Variants in SYNE1 observed in about 807,000 individuals in gnomAD.
The protein encoded by SYNE1 is nesprin-1.
SYNE1 carries 616 observed loss-of-function variants against 1,111.0 expected under a neutral mutation model. That is an observed-to-expected ratio of 0.55 (90% CI 0.52 to 0.59). The LOEUF (loss-of-function observed/expected upper bound fraction) is 0.59. Ranked by LOEUF, SYNE1 falls within the 20% of genes least tolerant of loss-of-function variation. The pLI is 0.00. For synonymous variants in SYNE1, 3,855 were observed against 3,825.8 expected, an observed-to-expected ratio of 1.01 and a Z score of -0.28; for missense variants, 10,006 against 10,417.0, an observed-to-expected ratio of 0.96 and a Z score of 1.72.
At chr6:152,568,756 T>C (rs538100092) in intron 3 of SYNE1, among the ~76,000 whole-genome samples, 1 of 151,976 alleles carries the variant, frequency 6.6e-6, no homozygotes, top group South Asian at 2.1e-4. Context: ...TACAGGCTCT[T>C]GCCACTGCAC....
In SYNE1 at chr6:152,456,031, C is replaced by A. The variant is rs760041639; in HGVS notation, c.2582G>T (p.Cys861Phe). 6.2e-7 allele frequency: 1 copy of A among 1,613,394 alleles called. No individual in the cohort carries two copies. The highest frequency in any genetic ancestry group is 1.1e-5 in the South Asian group (1 of 91,076). ...FKQKHQELLA[C>F]QENCKKTLTL... Reference sequence around the variant, plus strand: ...CAAGGTTTTCTTACAGTTTTCTTGACAAGCTAACAGTTCCTATAACGAAAT... The same window carrying A: ...CAAGGTTTTCTTACAGTTTTCTTGAAAAGCTAACAGTTCCTATAACGAAAT... Residue 861 changes from cysteine to phenylalanine, a missense_variant, in exon 23 of 146, where the codon TGT becomes TTT. Transcript: ENST00000367255.
At chr6:152,565,149 A>G (rs1025227618) in intron 3 of SYNE1, among the ~76,000 whole-genome samples, 13 of 152,204 alleles carry the variant, frequency 8.5e-5, no homozygotes, top group African/African-American at 3.1e-4. Flanking sequence ...AGAAGCCAGG[A>G]GAAACCTGAT....
intron 3 of SYNE1, among the ~76,000 whole-genome samples, chr6:152,620,756 A>C (rs2099673691): frequency 6.6e-6 from 1 of 152,176 alleles, no homozygotes; most frequent in Non-Finnish European, 1.5e-5. Flanking sequence ...TCCCCCATTG[A>C]AAATAAATAT....
intron 145 of SYNE1, 45 bp from the exon 146 acceptor site, chr6:152,122,721 G>C (rs376243097): frequency 1.4e-4 from 229 of 1,611,420 alleles, no homozygotes; most frequent in Non-Finnish European, 1.8e-4. Flanking sequence ...CTCCAGTGTC[G>C]GAGGGACGCT....
chr6:152,560,527 C>G (rs909990020), intron 3 of SYNE1, among the ~76,000 whole-genome samples: 41 of 152,080 alleles, frequency 2.7e-4, no homozygotes, highest in African/African-American at 9.7e-4. Context: ...AAACTAATAC[C>G]AATCTTTCCC....
At chr6:152,522,596 T>C (rs2099145180) in intron 5 of SYNE1, among the ~76,000 whole-genome samples, 1 of 152,196 alleles carries the variant, frequency 6.6e-6, no homozygotes, top group Admixed American at 6.5e-5. Context: ...CTGTATCAAA[T>C]GGTAGATCTA....
At chr6:152,274,614 G>A (rs1490566130) in intron 98 of SYNE1, among the ~76,000 whole-genome samples, 4 of 151,990 alleles carry the variant, frequency 2.6e-5, no homozygotes, top group Admixed American at 2.6e-4. Flanking sequence ...ATTCATTTTT[G>A]AGATGGAGTT....
chr6:152,388,496 G>A (rs1434071467), intron 53 of SYNE1, among the ~76,000 whole-genome samples: 2 of 152,160 alleles, frequency 1.3e-5, no homozygotes, highest in Non-Finnish European at 2.9e-5. Flanking sequence ...GCATAGTTTT[G>A]CCCCGTTGCC....
chr6:152,624,649 T>A (rs564060611), intron 3 of SYNE1, among the ~76,000 whole-genome samples: 3 of 152,298 alleles, frequency 2.0e-5, no homozygotes, highest in South Asian at 4.1e-4. Flanking sequence ...TGAGTAAAGT[T>A]CCAGAAACAT....
intron 141 of SYNE1, among the ~76,000 whole-genome samples, chr6:152,136,261 T>C (rs2057054625): frequency 6.6e-6 from 1 of 152,218 alleles, no homozygotes; most frequent in African/African-American, 2.4e-5. Context: ...AACAAATATT[T>C]GCAATGCTCA....
rs773598537 is a variant in SYNE1, at chr6:152,254,244, C to CTTTTT, written c.19470+631_19470+635dup. 6.0e-3 allele frequency among the ~76,000 whole-genome samples: 440 copies of CTTTTT among 73,158 alleles called. 14 individuals carry two copies. Among genetic ancestry groups the CTTTTT allele is most frequent in the Non-Finnish European group, 7.1e-3 (302 of 42,318 alleles). The allele number at this position is 73,158 out of a possible 152,430, so 48.0% of individuals were successfully genotyped here. On this transcript the variant is annotated intron_variant, in intron 104 of 145. Coordinates refer to ENST00000367255, the MANE Select transcript of SYNE1 (RefSeq NM_182961.4). ...TATATTCCAACACTTTCTGCATACT[C>CTTTTT]TTTTTTTTTTTTTTTTTTTTTTTTT...
intron 127 of SYNE1, among the ~76,000 whole-genome samples, chr6:152,193,739 C>T (rs903105834): frequency 8.5e-5 from 13 of 152,048 alleles, no homozygotes; most frequent in African/African-American, 1.9e-4. Flanking sequence ...AGGCCAGGCG[C>T]GGTAGCTCAC....
In SYNE1 at chr6:152,600,197, G is replaced by A. The variant is rs146683381; in HGVS notation, c.67+28068C>T. On this transcript the variant is annotated intron_variant, in intron 3 of 145. Coordinates refer to ENST00000367255, the MANE Select transcript of SYNE1 (RefSeq NM_182961.4). Reference sequence around the variant, plus strand: ...TAGCTCTGATACGGCACAAACCTCAGAAGAGGTGACGAAACAAAACAACAG... The same window carrying A: ...TAGCTCTGATACGGCACAAACCTCAAAAGAGGTGACGAAACAAAACAACAG... 1.2e-4 allele frequency among the ~76,000 whole-genome samples: 19 copies of A among 152,274 alleles called. 1 individual carries two copies. In the East Asian group the frequency reaches 3.7e-3, roughly 29 times the overall value.
rs780954915 is a variant in SYNE1, at chr6:152,344,209, G to T, written c.12097C>A (p.His4033Asn). 6.2e-7 allele frequency: 1 copy of T among 1,614,174 alleles called. No individual in the cohort carries two copies. The highest frequency in any genetic ancestry group is 1.3e-5 in the African/African-American group (1 of 75,022). ...CGGCTGACGTGCTTCTGAAGTTCGT[G>T]TTCCAAACTCTGGTACATCTGAGAC... Reference protein sequence around the residue: ...TAQRMYQSLEHELQKHVSRQD... With the variant: ...TAQRMYQSLENELQKHVSRQD... Residue 4033 changes from histidine (H) to asparagine (N), a missense_variant, in exon 74 of 146, where the codon CAC becomes AAC. By Grantham distance (68) the His-to-Asn change is moderately conservative. This residue lies in a region of SYNE1 where 4,955 missense variants were observed against 5,017.2 expected (regional missense o/e 0.99). Transcript: ENST00000367255.
intron 3 of SYNE1, among the ~76,000 whole-genome samples, chr6:152,600,629 T>C (rs558814928): frequency 6.6e-6 from 1 of 152,312 alleles, no homozygotes; most frequent in East Asian, 1.9e-4. Context: ...ATTTCTCTCT[T>C]AACTAATGAC....
chr6:152,579,508 C>CT (rs554283167), intron 3 of SYNE1, among the ~76,000 whole-genome samples: 383 of 152,172 alleles, frequency 2.5e-3, no homozygotes, highest in African/African-American at 8.4e-3. Context: ...TATTGTGTCA[C>CT]TTTTTTTTCT....
At chr6:152,230,495 C>G in intron 115 of SYNE1, 52 bp downstream of exon 115, 4 of 1,562,418 alleles carry the variant, frequency 2.6e-6, no homozygotes, top group Non-Finnish European at 3.5e-6. Flanking sequence ...AACATATTAG[C>G]ATACGCTATG....
rs780148250 is a variant in SYNE1, at chr6:152,331,532, T to C, written c.13153A>G (p.Met4385Val). The change falls in exon 78 of 146, where the codon ATG becomes GTG. Residue 4385 changes from methionine to valine, a missense_variant. By Grantham distance (21) the Met-to-Val change is conservative. This residue lies in a region of SYNE1 where 4,955 missense variants were observed against 5,017.2 expected (regional missense o/e 0.99). Transcript: ENST00000367255. ...TCACTGCAGATGGCCAGGTGATCCATGAGAAGGTTCTGAGCCATATCTGGA... is the reference window on the plus strand; with the variant it reads ...TCACTGCAGATGGCCAGGTGATCCACGAGAAGGTTCTGAGCCATATCTGGA... ...PPPDMAQNLL[M>V]DHLAICSELE... is the part of the protein sequence containing the mutation. 4.0e-5 allele frequency: 65 copies of C among 1,613,566 alleles called. No homozygotes were observed. Among genetic ancestry groups the C allele is most frequent in the Non-Finnish European group, 5.5e-5 (65 of 1,179,638 alleles).
intron 87 of SYNE1, 147 bp from the exon 88 acceptor site, chr6:152,311,020 G>A (rs962248840): frequency 1.3e-6 from 1 of 759,536 alleles, no homozygotes; most frequent in Non-Finnish European, 2.2e-6. Context: ...CTTTCTACTT[G>A]GTAGCCACTT....
Sources: gnomAD v4.1 joint callset for allele counts (sites outside exome capture counted in the v4.1 genomes callset) on GRCh38, gnomAD v4.1.1 for gene constraint, gnomAD v4.1.1 regional missense constraint, MANE v1.5 for transcripts, NCBI Gene and HGNC (gene_info 2026-07-23, HGNC 2026-07-21) for gene names.